PPIL2: variants seen among roughly 807,000 people sequenced by gnomAD.
PPIL2 encodes RING-type E3 ubiquitin-protein ligase PPIL2.
PPIL2 carries 50 observed loss-of-function variants against 75.2 expected under a neutral mutation model. That is an observed-to-expected ratio of 0.66 (90% CI 0.53 to 0.84). The LOEUF (loss-of-function observed/expected upper bound fraction) is 0.84. Ranked by LOEUF, PPIL2 falls within the 40% of genes least tolerant of loss-of-function variation. The pLI, the probability that PPIL2 is intolerant of heterozygous loss-of-function variation, is 0.00. For synonymous variants in PPIL2, 245 were observed against 258.8 expected (o/e 0.95, Z 0.51); for missense variants, 590 against 685.0 (o/e 0.86, Z 1.55).
At chr22:21,694,487 G>C (rs545497744) in intron 16 of PPIL2, 106 bp from the exon 17 acceptor site, 1 of 1,304,918 alleles carries the variant, frequency 7.7e-7, no homozygotes, top group Non-Finnish European at 1.1e-6. Context: ...AGGACCACCA[G>C]GCCAGCCTCG....
intron 1 of PPIL2, among the ~76,000 whole-genome samples, chr22:21,666,356 G>A (rs1240952188): frequency 6.6e-6 from 1 of 152,176 alleles, no homozygotes; most frequent in Non-Finnish European, 1.5e-5. Context: ...GGGCTCGAGC[G>A]CAGCCCGGTT....
chr22:21,668,946 G>C (rs1304478152), intron 1 of PPIL2, among the ~76,000 whole-genome samples: 169 of 150,908 alleles, frequency 1.1e-3, no homozygotes, highest in Middle Eastern at 3.5e-3. Flanking sequence ...CTCCTGACCT[G>C]GTGATCCGCC....
chr22:21,670,887 G>A, intron 3 of PPIL2, 110 bp from the exon 4 acceptor site: 2 of 1,133,004 alleles, frequency 1.8e-6, no homozygotes, highest in Admixed American at 3.4e-5. Flanking sequence ...AGGCTGCCCA[G>A]AGAGGGCTCC....
chr22:21,676,474 G>A lies in PPIL2; in HGVS notation c.295+1359G>A, dbSNP rs746614210. 2.9e-3 allele frequency among the ~76,000 whole-genome samples: 440 copies of A among 151,846 alleles called. 1 individual carries two copies. The highest frequency in any genetic ancestry group is 5.1e-3 in the Non-Finnish European group (346 of 67,956). On this transcript the variant is annotated intron_variant, in intron 6 of 19. Coordinates refer to ENST00000398831, the MANE Select transcript of PPIL2 (RefSeq NM_014337.4). ...AGATCAGCAGATAAACAAGTGAACA[G>A]AGGTCTCTGGTTTTCCTAGGCAGAG... is the stretch of plus-strand genomic sequence containing the variant.
chr22:21,685,176 G>A (rs1370134949), intron 10 of PPIL2, among the ~76,000 whole-genome samples: 1 of 152,226 alleles, frequency 6.6e-6, no homozygotes, highest in Non-Finnish European at 1.5e-5. Context: ...GGGTGTGTGG[G>A]GGCATGTAGG....
chr22:21,679,004 C>G (rs1569027049), intron 6 of PPIL2, among the ~76,000 whole-genome samples: 1 of 150,378 alleles, frequency 6.6e-6, no homozygotes, highest in African/African-American at 2.5e-5. Context: ...TCAAGCGATT[C>G]TCCTGGCTCA....
chr22:21,685,743 C>G, intron 10 of PPIL2: 2 of 419,588 alleles, frequency 4.8e-6, no homozygotes, highest in South Asian at 1.7e-5. Flanking sequence ...GCCACTGTGC[C>G]TGGCTTGTAT....
At chr22:21,692,925 C>CA (rs113931448) in intron 15 of PPIL2, among the ~76,000 whole-genome samples, 2,597 of 103,654 alleles carry the variant, frequency 0.025, 79 homozygotes, top group African/African-American at 0.079. Flanking sequence ...GATTCCATCT[C>CA]AAAAAAAAAA....
intron 15 of PPIL2, among the ~76,000 whole-genome samples, chr22:21,690,456 A>G (rs1003360460): frequency 4.0e-5 from 6 of 151,322 alleles, no homozygotes; most frequent in Admixed American, 2.6e-4. Context: ...TATTCGTGCC[A>G]CTTCCTTGGG....
rs768673481 is a variant in PPIL2 at position 21,669,934 on chromosome 22, C to T, written c.54C>T (p.Tyr18=). ...TCAGGTACATTACCTGTGCTGAATA[C>T]ACTCACTTTTATGGTGGCAAGAAGC... ...KDKMYITCAE[Y]THFYGGKKPD... is the part of the protein sequence containing the mutation. Residue 18 remains tyrosine, a synonymous_variant, in exon 2 of 20, where the codon TAC becomes TAT. Coordinates refer to ENST00000398831, the MANE Select transcript of PPIL2 (RefSeq NM_014337.4). 4.3e-6 allele frequency: 7 copies of T among 1,614,052 alleles called. No homozygotes were observed. The highest frequency in any genetic ancestry group is 3.3e-5 in the Admixed American group (2 of 60,022).
downstream of PPIL2, chr22:21,698,262 A>T (rs1294252872): frequency 2.5e-5 from 1 of 40,302 alleles, no homozygotes; most frequent in Middle Eastern, 0.015. Context: ...TATAAATTAC[A>T]AAAAAAAAAA....
chr22:21,666,398 C>G (rs1186124664), intron 1 of PPIL2, among the ~76,000 whole-genome samples: 1 of 152,202 alleles, frequency 6.6e-6, no homozygotes. Flanking sequence ...GGACCGTCCC[C>G]CGTCTGTTCG....
intron 15 of PPIL2, among the ~76,000 whole-genome samples, chr22:21,689,200 G>A (rs1001427149): frequency 1.3e-5 from 2 of 152,244 alleles, no homozygotes; most frequent in Admixed American, 6.5e-5. Context: ...AGGCTGCACA[G>A]GGAGAGGCGC....
At position 21,688,076 on chromosome 22, in the gene PPIL2, C is replaced by T; in HGVS notation, c.991C>T (p.Gln331Ter). The change falls in exon 14 of 20, where the codon CAA (glutamine) becomes TAA (stop). Residue 331 changes from glutamine (Q) to a stop codon, truncating the protein, a stop_gained. Transcript: ENST00000398831. LOFTEE classifies it high-confidence loss of function. ...TCACTGGCTTTTGTTTTCACAGATCCAAGGGGGCGACCCCACAGGCACAGG... is the reference window on the plus strand; with the variant it reads ...TCACTGGCTTTTGTTTTCACAGATCTAAGGGGGCGACCCCACAGGCACAGG... ...FHRSIRNFVI[Q>*]GGDPTGTGTG... 1 of 1,614,226 alleles carries T rather than the reference C, an allele frequency of 6.2e-7. No individual in the cohort carries two copies. The highest frequency in any genetic ancestry group is 8.5e-7 in the Non-Finnish European group (1 of 1,180,036).
chr22:21,678,832 T>A (rs965651686), intron 6 of PPIL2, among the ~76,000 whole-genome samples: 5 of 151,852 alleles, frequency 3.3e-5, no homozygotes, highest in Non-Finnish European at 7.4e-5. Context: ...GACCAAGTGC[T>A]CCTTCCACCT....
chr22:21,682,628 C>A, intron 8 of PPIL2, 102 bp downstream of exon 8: 2 of 973,466 alleles, frequency 2.1e-6, no homozygotes, highest in Non-Finnish European at 3.1e-6. Context: ...TCATATCTGT[C>A]CTCAAAGCCA....
chr22:21,686,469 G>C lies in PPIL2; in HGVS notation c.715-14G>C. On this transcript the variant is annotated splice_polypyrimidine_tract_variant and intron_variant, in intron 10 of 19. Coordinates refer to ENST00000398831, the MANE Select transcript of PPIL2 (RefSeq NM_014337.4). ...CATGGCACTGCTGAGGTGCCACCCT[G>C]GTTTCCTTGGCAGGCCCACTATTCC... The C allele has an allele frequency of 6.2e-7, 1 of 1,613,614 alleles. No individual in the cohort carries two copies. The highest frequency in any genetic ancestry group is 8.5e-7 in the Non-Finnish European group (1 of 1,179,618).
intron 10 of PPIL2, chr22:21,685,708 GA>G: frequency 2.2e-6 from 1 of 451,062 alleles, no homozygotes; most frequent in South Asian, 1.6e-5. Context: ...CTTGGCCTCC[GA>G]AAGTGCTGGA....
At chr22:21,671,092 T>A in intron 4 of PPIL2, 33 bp downstream of exon 4, 1 of 1,579,262 alleles carries the variant, frequency 6.3e-7, no homozygotes, top group Non-Finnish European at 8.7e-7. Flanking sequence ...ATCTAACAAA[T>A]GTGAGATTCT....
Sources: allele counts gnomAD v4.1 joint callset (sites outside exome capture counted in the v4.1 genomes callset), GRCh38; gene constraint gnomAD v4.1.1; transcripts MANE v1.5; gene names NCBI Gene and HGNC (gene_info 2026-07-23, HGNC 2026-07-21).